The following SLC39A14 variants were observed in gnomAD, a reference collection of about 807,000 sequenced individuals.
SLC39A14 encodes the protein solute carrier family 39 member 14.
SLC39A14 carries 19 observed loss-of-function variants against 45.5 expected under a neutral mutation model. The observed-to-expected ratio is 0.42, with a 90% confidence interval of 0.29 to 0.61. SLC39A14 has a LOEUF of 0.61. Among genes scored for constraint, SLC39A14 ranks in the 20% least tolerant of loss-of-function variants. SLC39A14 has a pLI of 0.22. For missense variants in SLC39A14, 447 were observed against 616.5 expected (o/e 0.73, Z 2.91); for synonymous variants, 264 against 251.3 (o/e 1.05, Z -0.48).
chr8:22,402,950 T>C (rs1353290518), intron 1 of SLC39A14, among the ~76,000 whole-genome samples: 6 of 148,774 alleles, frequency 4.0e-5, no homozygotes, highest in Admixed American at 6.8e-5. Context: ...TCTGTAATTT[T>C]TCTCTTTTAG....
At chr8:22,428,562 C>T (rs1428404165) in intron 8 of SLC39A14, among the ~76,000 whole-genome samples, 1 of 151,356 alleles carries the variant, frequency 6.6e-6, no homozygotes, top group African/African-American at 2.4e-5. Flanking sequence ...CCTGCCTCAC[C>T]CTCCTGAGTA....
intron 1 of SLC39A14, among the ~76,000 whole-genome samples, chr8:22,401,383 G>A (rs1188430211): frequency 3.9e-5 from 6 of 152,014 alleles, no homozygotes; most frequent in Non-Finnish European, 8.8e-5. Flanking sequence ...TCTGGAGAAA[G>A]GAGACTCATT....
rs191890998 is a variant in SLC39A14, at chr8:22,394,936, A to G, written c.-15-9760A>G. 1.9e-4 allele frequency among the ~76,000 whole-genome samples: 29 copies of G among 151,978 alleles called. 1 individual carries two copies. The highest frequency in any genetic ancestry group is 1.6e-3 in the Admixed American group (25 of 15,252). On this transcript the variant is annotated intron_variant, in intron 1 of 8. Coordinates refer to ENST00000381237, the MANE Select transcript of SLC39A14 (RefSeq NM_001128431.4). Reference sequence around the variant, plus strand: ...TTCTCTTCTGACACTGAATGGTGCTATTCGGGAAAGAAGAAGGCAGTTTGA... The same window carrying G: ...TTCTCTTCTGACACTGAATGGTGCTGTTCGGGAAAGAAGAAGGCAGTTTGA...
At chr8:22,412,237 C>G in intron 4 of SLC39A14, 31 bp downstream of exon 4, 1 of 1,548,194 alleles carries the variant, frequency 6.5e-7, no homozygotes, top group Non-Finnish European at 8.7e-7. Flanking sequence ...CACCCCGGAG[C>G]ATGCCGGCGG....
At chr8:22,371,700 G>A (rs1337706782) in intron 1 of SLC39A14, among the ~76,000 whole-genome samples, 1 of 150,282 alleles carries the variant, frequency 6.7e-6, no homozygotes, top group African/African-American at 2.4e-5. Flanking sequence ...CAAAGTGCTG[G>A]GATTACAGGC....
Position 22,408,208 on chromosome 8 carries a change from G to A in SLC39A14, c.271-102G>A, listed in dbSNP as rs147871520. 3.8e-4 allele frequency: 397 copies of A among 1,046,038 alleles called. No homozygotes were observed. In the African/African-American group the frequency reaches 5.6e-3, roughly 15 times the overall value. The allele number at this position is 1,046,038 out of a possible 1,614,324, so 64.8% of individuals were successfully genotyped here. On this transcript the variant is annotated intron_variant, in intron 2 of 8. Transcript: ENST00000381237. ...AATTCCCTGAAATTTGGACATTTCT[G>A]TCTTCTCTTTTTCCTCTGGGAAGGC... is the stretch of plus-strand genomic sequence containing the variant.
At chr8:22,375,261 G>A (rs117788131) in intron 1 of SLC39A14, among the ~76,000 whole-genome samples, 33,743 of 151,912 alleles carry the variant, frequency 0.22, 4,721 homozygotes, top group East Asian at 0.52. Context: ...TGGTATTTTT[G>A]TCGACTTTAT....
At chr8:22,372,995 G>T (rs930920848) in intron 1 of SLC39A14, among the ~76,000 whole-genome samples, 7 of 152,034 alleles carry the variant, frequency 4.6e-5, no homozygotes, top group African/African-American at 1.2e-4. Flanking sequence ...CGGGCGCAGT[G>T]ACTCACACCT....
intron 8 of SLC39A14, among the ~76,000 whole-genome samples, chr8:22,432,476 T>C (rs1586765281): frequency 6.6e-6 from 1 of 151,288 alleles, no homozygotes. Context: ...CTCTCTCTCT[T>C]TTTCTCTCTT....
chr8:22,397,768 G>A (rs1834590261), intron 1 of SLC39A14, among the ~76,000 whole-genome samples: 1 of 152,184 alleles, frequency 6.6e-6, no homozygotes. Context: ...TCTGCTAGCT[G>A]GAGATACATT....
Position 22,419,988 on chromosome 8 carries a change from CT to C in SLC39A14, c.*291del. On this transcript the variant is annotated 3_prime_UTR_variant, in exon 9 of 9. Coordinates refer to ENST00000381237, the MANE Select transcript of SLC39A14 (RefSeq NM_001128431.4). ...TACAAGACAAGCCTGACTTTTTTCTCTGATTACCTTGGCCTCCTCTTGGAAC... is the reference window on the plus strand; with the variant it reads ...TACAAGACAAGCCTGACTTTTTTCTCGATTACCTTGGCCTCCTCTTGGAAC... The C allele has an allele frequency of 4.5e-6, 5 of 1,115,942 alleles. No individual in the cohort carries two copies. The highest frequency in any genetic ancestry group is 5.5e-6 in the Non-Finnish European group (5 of 912,792). 69.1% of individuals were successfully genotyped at this position (1,115,942 alleles called of 1,614,324 possible).
At chr8:22,392,504 A>ATGTG (rs1232293583) in intron 1 of SLC39A14, among the ~76,000 whole-genome samples, 2 of 152,156 alleles carry the variant, frequency 1.3e-5, no homozygotes, top group African/African-American at 4.8e-5. Context: ...TAAGTGATGG[A>ATGTG]TGTGAGTACC....
At chr8:22,430,209 TCCCA>T (rs1214722766) in intron 8 of SLC39A14, among the ~76,000 whole-genome samples, 1 of 135,072 alleles carries the variant, frequency 7.4e-6, no homozygotes, top group South Asian at 2.6e-4. Context: ...CAAGAGATCC[TCCCA>T]CCTACCTCAA....
At chr8:22,375,664 G>A (rs1311187166) in intron 1 of SLC39A14, among the ~76,000 whole-genome samples, 1 of 151,826 alleles carries the variant, frequency 6.6e-6, no homozygotes, top group Non-Finnish European at 1.5e-5. Flanking sequence ...TAATTTTTGT[G>A]TTTTTAGTAG....
intron 3 of SLC39A14, chr8:22,410,184 C>T: frequency 6.5e-7 from 1 of 1,547,308 alleles, no homozygotes; most frequent in Non-Finnish European, 8.9e-7. Context: ...TCCCCTCCTC[C>T]CCTACCCTGG....
intron 1 of SLC39A14, among the ~76,000 whole-genome samples, chr8:22,389,371 G>A (rs1215706279): frequency 6.6e-6 from 1 of 152,188 alleles, no homozygotes. Flanking sequence ...AGACTGGCAT[G>A]GGCGGGGTCT....
At chr8:22,372,221 AT>A (rs946547736) in intron 1 of SLC39A14, among the ~76,000 whole-genome samples, 5 of 151,642 alleles carry the variant, frequency 3.3e-5, no homozygotes, top group Non-Finnish European at 5.9e-5. Context: ...ATTTTATTAA[AT>A]TTTTTTTTCC....
In SLC39A14 at chr8:22,417,713, C is replaced by G; in HGVS notation, c.1210C>G (p.Leu404Val). Residue 404 changes from leucine (L) to valine (V), a missense_variant, in exon 8 of 9, where the codon CTT (leucine) becomes GTT (valine). This residue lies in a region of SLC39A14 where 105 missense variants were observed against 188.4 expected (regional missense o/e 0.56). Transcript: ENST00000381237. ...SIQQALFFNF[L>V]SACCCYLGLA... ...CCAACAAGCTCTCTTCTTCAACTTC[C>G]TTTCTGCCTGCTGCTGCTACCTGGG... 1.2e-6 allele frequency: 2 copies of G among 1,614,166 alleles called. No homozygotes were observed. Among genetic ancestry groups the G allele is most frequent in the East Asian group, 4.5e-5 (2 of 44,880 alleles).
Position 22,367,895 on chromosome 8 carries a change from T to C in SLC39A14, c.-16+487T>C, listed in dbSNP as rs1455452839. Among the ~76,000 whole-genome samples the C allele has an allele frequency of 6.6e-6, 1 of 152,172 alleles. No homozygotes were observed. On this transcript the variant is annotated intron_variant, in intron 1 of 8. Transcript: ENST00000381237. This position sits in a 1 kb window ranked among gnomAD's most constrained non-coding sequence, Gnocchi z 4.2. ...CTTCCGGCTGAGCGAATCTCCAACC[T>C]GGCTTGCCCACGAGGATGGCTTTCT...
Sources: allele counts gnomAD v4.1 joint callset (sites outside exome capture counted in the v4.1 genomes callset), GRCh38; gene constraint gnomAD v4.1.1; regional missense constraint gnomAD v4.1.1; non-coding constraint Gnocchi (gnomAD v3.1); transcripts MANE v1.5; gene names NCBI Gene and HGNC (gene_info 2026-07-23, HGNC 2026-07-21).